The following RAI2 variants were observed in gnomAD, a reference collection of about 807,000 sequenced individuals.
RAI2 encodes retinoic acid-induced protein 2.
In RAI2, 5 loss-of-function variants were observed where a neutral mutation model predicts 15.3. The observed-to-expected ratio is 0.33, with a 90% CI of 0.17 to 0.69. The LOEUF (loss-of-function observed/expected upper bound fraction) is 0.69. RAI2 is among the 30% of genes least tolerant of loss of function. The probability of loss-of-function intolerance (pLI) is 0.69; values close to 1 mark genes in which losing one functional copy is unlikely to be tolerated. For missense variants in RAI2, 424 were observed against 424.7 expected, an observed-to-expected ratio of 1.00 and a Z score of 0.01; for synonymous variants, 191 against 184.0, an observed-to-expected ratio of 1.04 and a Z score of -0.31.
At chrX:17,812,195 C>T (rs767487654) in intron 1 of RAI2, among the ~76,000 whole-genome samples, 1 of 110,881 alleles carries the variant, frequency 9.0e-6, no homozygotes. Context: ...TCAGATCCAC[C>T]GGCCATATTT....
chrX:17,809,066 C>G (rs780268271), intron 1 of RAI2, among the ~76,000 whole-genome samples: 1 of 111,840 alleles, frequency 8.9e-6, no homozygotes, highest in South Asian at 3.7e-4. Context: ...TCCTTTTTAC[C>G]AAAGCTGTGA....
chrX:17,847,771 A>G (rs1395206763), intron 1 of RAI2, among the ~76,000 whole-genome samples: 4 of 112,261 alleles, frequency 3.6e-5, no homozygotes, highest in South Asian at 3.7e-4. Flanking sequence ...GGGGGAATGA[A>G]GAGCTTCCTG....
intron 1 of RAI2, among the ~76,000 whole-genome samples, chrX:17,848,568 C>T (rs1220071447): frequency 9.0e-6 from 1 of 111,283 alleles, no homozygotes; most frequent in Non-Finnish European, 1.9e-5. Context: ...ACATCACAAT[C>T]TCCTTCCAGG....
chrX:17,822,110 A>T (rs779413433), intron 1 of RAI2, among the ~76,000 whole-genome samples: 1 of 112,152 alleles, frequency 8.9e-6, no homozygotes, highest in African/African-American at 3.2e-5. Flanking sequence ...ATTCTTAGAA[A>T]TCTGAGTTGG....
At chrX:17,826,567 C>T (rs866067129) in intron 1 of RAI2, among the ~76,000 whole-genome samples, 4 of 110,938 alleles carry the variant, frequency 3.6e-5, no homozygotes, top group African/African-American at 9.9e-5. Context: ...ATGTTCCCAA[C>T]TAGTGTGTCC....
chrX:17,830,319 G>T (rs1260934305), intron 1 of RAI2, among the ~76,000 whole-genome samples: 3 of 112,081 alleles, frequency 2.7e-5, no homozygotes, highest in Non-Finnish European at 5.6e-5. Context: ...AATATTCTCT[G>T]AACAACTGTG....
At chrX:17,824,905 T>C (rs1467488422) in intron 1 of RAI2, among the ~76,000 whole-genome samples, 1 of 112,217 alleles carries the variant, frequency 8.9e-6, no homozygotes, top group African/African-American at 3.2e-5. Context: ...TGAAGGGCTT[T>C]CTCCACTGTG....
intron 1 of RAI2, among the ~76,000 whole-genome samples, chrX:17,814,330 T>C (rs1209600373): frequency 1.0e-5 from 1 of 100,429 alleles, no homozygotes; most frequent in African/African-American, 3.7e-5. Flanking sequence ...CATGCAGATC[T>C]AGTGTGCTCC....
chrX:17,854,774 G>A (rs919414488), intron 1 of RAI2, among the ~76,000 whole-genome samples: 4 of 111,622 alleles, frequency 3.6e-5, no homozygotes, highest in African/African-American at 9.8e-5. Context: ...ATTATTTTTC[G>A]CCAGAATGTC....
chrX:17,833,288 G>A (rs2067301808), intron 1 of RAI2, among the ~76,000 whole-genome samples: 1 of 111,681 alleles, frequency 9.0e-6, no homozygotes, highest in Non-Finnish European at 1.9e-5. Flanking sequence ...ATGGGAGGCT[G>A]AGGCAGGCAG....
intron 1 of RAI2, among the ~76,000 whole-genome samples, chrX:17,844,170 GA>G (rs1229626345): frequency 8.9e-6 from 1 of 112,324 alleles, no homozygotes. Flanking sequence ...GCAGCAAAAA[GA>G]AAAGGAGGCA....
intron 1 of RAI2, among the ~76,000 whole-genome samples, chrX:17,858,701 T>C (rs1333083319): frequency 8.9e-6 from 1 of 112,477 alleles, no homozygotes; most frequent in Non-Finnish European, 1.9e-5. Context: ...GATTTTGAAA[T>C]GTGTCTTACA....
At chrX:17,858,773 A>T (rs777885793) in intron 1 of RAI2, among the ~76,000 whole-genome samples, 1 of 112,176 alleles carries the variant, frequency 8.9e-6, no homozygotes, top group Non-Finnish European at 1.9e-5. Flanking sequence ...CGCTTGGAAA[A>T]CTGTCTTTTC....
At chrX:17,816,690 C>T (rs1601910801) in intron 1 of RAI2, among the ~76,000 whole-genome samples, 1 of 112,155 alleles carries the variant, frequency 8.9e-6, no homozygotes, top group East Asian at 2.8e-4. Context: ...TCTGGTCCAG[C>T]TTGCATCCCA....
chrX:17,800,450 G>GT lies in RAI2; in HGVS notation c.1560dup (p.Gln521ThrfsTer20). The GT allele has an allele frequency of 8.4e-7, 1 of 1,195,934 alleles. No individual in the cohort carries two copies. The highest frequency in any genetic ancestry group is 1.1e-6 in the Non-Finnish European group (1 of 889,617). On this transcript the variant is annotated frameshift_variant, in exon 2 of 2. Coordinates refer to ENST00000451717, the MANE Select transcript of RAI2 (RefSeq NM_021785.6). LOFTEE classifies it high-confidence loss of function. ...CTTGGAAAAAAGGTGGCCAGCCGTT[G>GT]TTTTTTGATTGGGAGCATGTGTATT...
chrX:17,825,428 G>T (rs769858387), intron 1 of RAI2, among the ~76,000 whole-genome samples: 1 of 112,817 alleles, frequency 8.9e-6, no homozygotes, highest in Non-Finnish European at 1.9e-5. Context: ...CCACATAGGG[G>T]ACAACCATGA....
chrX:17,841,454 A>G (rs996161906), intron 1 of RAI2, among the ~76,000 whole-genome samples: 1 of 112,437 alleles, frequency 8.9e-6, no homozygotes, highest in African/African-American at 3.2e-5. Context: ...TTAAGCTCGC[A>G]CTTTGCAGAA....
intron 1 of RAI2, among the ~76,000 whole-genome samples, chrX:17,855,468 T>C (rs889600908): frequency 8.9e-5 from 10 of 112,059 alleles, no homozygotes; most frequent in African/African-American, 3.2e-4. Context: ...TTCTATTGGG[T>C]TTCTGGGTCC....
At chrX:17,803,936 CT>C (rs11448927) in intron 1 of RAI2, among the ~76,000 whole-genome samples, 3,197 of 99,914 alleles carry the variant, frequency 0.032, 43 homozygotes, top group Non-Finnish European at 0.041. Flanking sequence ...TCCAACATGC[CT>C]TTTTTTTTTT....
Sources: gnomAD v4.1 joint callset for allele counts (sites outside exome capture counted in the v4.1 genomes callset) on GRCh38, gnomAD v4.1.1 for gene constraint, MANE v1.5 for transcripts, NCBI Gene and HGNC (gene_info 2026-07-23, HGNC 2026-07-21) for gene names.